AZIN1: variants seen among roughly 807,000 people sequenced by gnomAD.
AZIN1 encodes antizyme inhibitor 1, also known as ornithine decarboxylase antizyme inhibitor.
AZIN1 carries 12 observed loss-of-function variants against 47.4 expected under a neutral mutation model. The observed-to-expected ratio is 0.25, with a 90% confidence interval of 0.16 to 0.41. The LOEUF (loss-of-function observed/expected upper bound fraction) is 0.41, where lower values mean the gene tolerates loss of function less well. Ranked by LOEUF, AZIN1 falls within the 10% of genes least tolerant of loss-of-function variation. The probability of loss-of-function intolerance (pLI) is 1.00; values close to 1 mark genes in which losing one functional copy is unlikely to be tolerated. For missense variants in AZIN1, 410 were observed against 532.4 expected, an observed-to-expected ratio of 0.77 and a Z score of 2.26; for synonymous variants, 155 against 176.3, an observed-to-expected ratio of 0.88 and a Z score of 0.96.
chr8:102,832,928 C>G, intron 9 of AZIN1, 128 bp downstream of exon 9: 1 of 798,246 alleles, frequency 1.3e-6, no homozygotes, highest in South Asian at 1.8e-5. Context: ...GCGTGAGCCA[C>G]CACGCCCGGC....
At chr8:102,842,422 T>C (rs1812261942) in intron 3 of AZIN1, among the ~76,000 whole-genome samples, 1 of 149,326 alleles carries the variant, frequency 6.7e-6, no homozygotes, top group East Asian at 2.0e-4. Context: ...TACAAAAACT[T>C]AGGCCAGGCG....
intron 2 of AZIN1, among the ~76,000 whole-genome samples, chr8:102,857,446 A>G (rs560633906): frequency 8.5e-5 from 13 of 152,260 alleles, no homozygotes; most frequent in Non-Finnish European, 1.6e-4. Context: ...TTACTGTGGA[A>G]TTACATTTTG....
chr8:102,841,149 C>T (rs760811573), intron 3 of AZIN1, among the ~76,000 whole-genome samples: 10 of 151,820 alleles, frequency 6.6e-5, no homozygotes, highest in Non-Finnish European at 1.2e-4. Context: ...AACAATAGGA[C>T]GATGAAAAGG....
In AZIN1 at chr8:102,843,621, G is replaced by T. The variant is rs1372463858; in HGVS notation, c.32C>A (p.Ser11Tyr). The part of the protein sequence containing the change: MKGFIDDANY[S>Y]VGLLDEGTNL... ...TGTTCCTTCATCCAACAGGCCAACG[G>T]AGTAGTTTGCATCATCAATAAATCC... The change falls in exon 3 of 12, where the codon TCC (serine) becomes TAC (tyrosine). Residue 11 changes from serine to tyrosine, a missense_variant. Ser to Tyr is a moderately radical substitution (Grantham distance 144, BLOSUM62 -2). Coordinates refer to ENST00000337198, the MANE Select transcript of AZIN1 (RefSeq NM_148174.4). 1 of 1,613,884 alleles carries T rather than the reference G, an allele frequency of 6.2e-7. No homozygotes were observed. Among genetic ancestry groups the T allele is most frequent in the East Asian group, 2.2e-5 (1 of 44,878 alleles).
rs201653017 is a variant in AZIN1 at position 102,847,366 on chromosome 8, A to T, written c.-95-3619T>A. The stretch of plus-strand genomic sequence containing the variant: ...CCCATCTCTTAAAAAAAAAAAAAAA[A>T]AAACAATAAAGCTCTAATGGAGGTT... On this transcript the variant is annotated intron_variant, in intron 2 of 11. Coordinates refer to ENST00000337198, the MANE Select transcript of AZIN1 (RefSeq NM_148174.4). Among the ~76,000 whole-genome samples, 965 of 146,378 alleles carry T rather than the reference A, an allele frequency of 6.6e-3. 4 individuals carry two copies. Among genetic ancestry groups the T allele is most frequent in the Non-Finnish European group, 8.1e-3 (543 of 66,752 alleles).
At chr8:102,862,072 G>A (rs1281540962) in intron 1 of AZIN1, among the ~76,000 whole-genome samples, 1 of 151,812 alleles carries the variant, frequency 6.6e-6, no homozygotes, top group Non-Finnish European at 1.5e-5. Context: ...TGTGGTGACT[G>A]GAAGACGATT....
chr8:102,841,801 T>A (rs1432981227), intron 3 of AZIN1, among the ~76,000 whole-genome samples: 11 of 115,022 alleles, frequency 9.6e-5, no homozygotes, highest in Admixed American at 2.6e-4. Context: ...AATATATATA[T>A]ATATAAAAAA....
intron 2 of AZIN1, among the ~76,000 whole-genome samples, chr8:102,847,569 C>CT (rs1250526994): frequency 2.8e-5 from 4 of 144,424 alleles, no homozygotes; most frequent in Admixed American, 7.4e-5. Flanking sequence ...CAATTTTTCC[C>CT]ATTTTTTTTT....
At chr8:102,842,903 T>C (rs915999404) in intron 3 of AZIN1, among the ~76,000 whole-genome samples, 2 of 147,582 alleles carry the variant, frequency 1.4e-5, no homozygotes, top group African/African-American at 5.1e-5. Flanking sequence ...TAAGAATCCA[T>C]CTCAAACAAG....
At chr8:102,863,100 C>G (rs1441732251) in intron 1 of AZIN1, among the ~76,000 whole-genome samples, 2 of 152,242 alleles carry the variant, frequency 1.3e-5, no homozygotes, top group Non-Finnish European at 2.9e-5. Context: ...AGGGGCGGAG[C>G]AGCAGCCTCG....
chr8:102,838,998 A>AC (rs1812004518), intron 4 of AZIN1, 82 bp from the exon 5 acceptor site: 1 of 1,257,408 alleles, frequency 8.0e-7, no homozygotes, highest in Admixed American at 2.4e-5. Context: ...TATTACCCCC[A>AC]CCCCTTTTAA....
chr8:102,830,929 G>A lies in AZIN1; in HGVS notation c.905-993C>T, dbSNP rs141284835. ...CGTGATCACAGGTCACCGCAGCCTCGAGCTTCAGGGATCAATAGATCCTCT... is the reference window on the plus strand; with the variant it reads ...CGTGATCACAGGTCACCGCAGCCTCAAGCTTCAGGGATCAATAGATCCTCT... On this transcript the variant is annotated intron_variant, in intron 9 of 11. Coordinates refer to ENST00000337198, the MANE Select transcript of AZIN1 (RefSeq NM_148174.4). Among the ~76,000 whole-genome samples, 399 of 152,252 alleles carry A rather than the reference G, an allele frequency of 2.6e-3. 1 individual carries two copies. The highest frequency in any genetic ancestry group is 9.3e-3 in the African/African-American group (385 of 41,552).
At chr8:102,858,241 A>G (rs2679756) in intron 1 of AZIN1, 91 bp from the exon 2 acceptor site, 157,203 of 395,806 alleles carry the variant, frequency 0.4, 32,686 homozygotes, top group South Asian at 0.46. Context: ...ATACGTGTTC[A>G]TTTTATAACA....
In AZIN1 at chr8:102,843,752, C is replaced by G; in HGVS notation, c.-95-5G>C. 6.6e-7 allele frequency: 1 copy of G among 1,522,310 alleles called. No individual in the cohort carries two copies. The allele number at this position is 1,522,310 out of a possible 1,614,324, so 94.3% of individuals were successfully genotyped here. ...GTCCTTAGAATATGCAACAAACTGT[C>G]AAAATATAAGTTATATAAAAGTCTG... On this transcript the variant is annotated splice_region_variant and splice_polypyrimidine_tract_variant and intron_variant, in intron 2 of 11. Transcript: ENST00000337198.
intron 4 of AZIN1, among the ~76,000 whole-genome samples, chr8:102,839,237 A>T (rs1236120783): frequency 1.3e-5 from 2 of 152,142 alleles, no homozygotes; most frequent in African/African-American, 4.8e-5. Context: ...GGCTGATCCT[A>T]AACTCCTGGC....
At chr8:102,845,106 C>T (rs1445528753) in intron 2 of AZIN1, among the ~76,000 whole-genome samples, 6 of 152,162 alleles carry the variant, frequency 3.9e-5, no homozygotes, top group Admixed American at 3.9e-4. Flanking sequence ...ACCTGCACAT[C>T]CTTTCCTGTG....
chr8:102,834,325 T>A lies in AZIN1; in HGVS notation c.667-62A>T, dbSNP rs371369934. 7.3e-4 allele frequency: 1,016 copies of A among 1,384,518 alleles called. 2 individuals are homozygous for A. The highest frequency in any genetic ancestry group is 4.9e-3 in the Middle Eastern group (26 of 5,282). 85.8% of individuals were successfully genotyped at this position (1,384,518 alleles called of 1,614,324 possible). On this transcript the variant is annotated intron_variant, in intron 7 of 11. Transcript: ENST00000337198. The stretch of plus-strand genomic sequence containing the variant: ...AATTGTAATGGATATGAGAACATTT[T>A]AAAAACCCCCTCCTAGGGAGGTAAA...
rs778251161 is a variant in AZIN1 at position 102,843,574 on chromosome 8, T to A, written c.79A>T (p.Asn27Tyr). The A allele has an allele frequency of 6.2e-7, 1 of 1,613,988 alleles. No individual in the cohort carries two copies. Among genetic ancestry groups the A allele is most frequent in the East Asian group, 2.2e-5 (1 of 44,876 alleles). Residue 27 changes from asparagine to tyrosine, a missense_variant, in exon 3 of 12, where the codon AAC (asparagine) becomes TAC (tyrosine). Asn to Tyr is a moderately radical substitution (Grantham distance 143). Coordinates refer to ENST00000337198, the MANE Select transcript of AZIN1 (RefSeq NM_148174.4). Reference sequence around the variant, plus strand: ...ACCAGGGTATGTTCATAAACATAGTTATCAATAACATTTCCAAGGTTTGTT... The same window carrying A: ...ACCAGGGTATGTTCATAAACATAGTAATCAATAACATTTCCAAGGTTTGTT... ...EGTNLGNVID[N>Y]YVYEHTLTGK...
intron 1 of AZIN1, among the ~76,000 whole-genome samples, chr8:102,861,278 A>C (rs1813633776): frequency 6.6e-6 from 1 of 152,130 alleles, no homozygotes. Flanking sequence ...CCCAGGCTGG[A>C]GTGCCCTGGT....
Sources: gnomAD v4.1 joint callset for allele counts (sites outside exome capture counted in the v4.1 genomes callset) on GRCh38, gnomAD v4.1.1 for gene constraint, MANE v1.5 for transcripts, NCBI Gene and HGNC (gene_info 2026-07-23, HGNC 2026-07-21) for gene names.